PDE4D: variants seen among roughly 807,000 people sequenced by gnomAD.
PDE4D encodes 3',5'-cyclic-AMP phosphodiesterase 4D.
Under a neutral mutation model 87.4 loss-of-function variants are expected in PDE4D, and 24 were observed. The ratio of observed to expected loss-of-function variants is 0.27; its 90% confidence interval spans 0.20 to 0.39. The LOEUF is 0.39. PDE4D is among the 10% of genes least tolerant of loss of function. PDE4D has a pLI of 1.00. For missense variants in PDE4D, 714 were observed against 1,041.0 expected, an observed-to-expected ratio of 0.69 and a Z score of 4.32; for synonymous variants, 384 against 383.2, an observed-to-expected ratio of 1.00 and a Z score of -0.02.
chr5:59,070,577 G>A (rs1037098222), intron 5 of PDE4D, among the ~76,000 whole-genome samples: 1 of 152,110 alleles, frequency 6.6e-6, no homozygotes, highest in African/African-American at 2.4e-5. Flanking sequence ...ATATATTATA[G>A]TCTTACTTAG....
At chr5:59,095,910 C>T (rs1470599112) in intron 5 of PDE4D, among the ~76,000 whole-genome samples, 3 of 152,190 alleles carry the variant, frequency 2.0e-5, no homozygotes, top group Non-Finnish European at 4.4e-5. Context: ...TCAGCTCATT[C>T]TTGATGAGGA....
chr5:59,760,358 TTTG>T (rs1193985484), intron 1 of PDE4D, among the ~76,000 whole-genome samples: 2 of 152,316 alleles, frequency 1.3e-5, no homozygotes, highest in South Asian at 2.1e-4. Context: ...AAGAAATTAT[TTTG>T]TTGTTAAGAT....
chr5:59,541,755 C>T (rs549417565), intron 1 of PDE4D, among the ~76,000 whole-genome samples: 2 of 152,344 alleles, frequency 1.3e-5, no homozygotes, highest in Admixed American at 6.5e-5. Flanking sequence ...ACTTATAGTT[C>T]TTTACCTTCC....
At chr5:60,046,661 G>C (rs921642275) in intron 2 of PDE4D, among the ~76,000 whole-genome samples, 15 of 152,084 alleles carry the variant, frequency 9.9e-5, no homozygotes, top group Non-Finnish European at 2.2e-4. Flanking sequence ...TTATATGCTG[G>C]ATTACATTTA....
chr5:60,075,835 GTACTGTGTT>G (rs1240227948), intron 2 of PDE4D, among the ~76,000 whole-genome samples: 1 of 151,908 alleles, frequency 6.6e-6, no homozygotes, highest in Non-Finnish European at 1.5e-5. Flanking sequence ...TGAAATTTTT[GTACTGTGTT>G]TTTTCAGCTC....
At chr5:60,521,443 A>G (rs1403363030) in intron 1 of PDE4D, 1 of 152,044 alleles carries the variant, frequency 6.6e-6, no homozygotes, top group Non-Finnish European at 1.5e-5. Flanking sequence ...ATATACTACA[A>G]CCTCCACCAG....
intron 2 of PDE4D, among the ~76,000 whole-genome samples, chr5:60,050,451 G>A (rs1021101716): frequency 6.6e-6 from 1 of 152,174 alleles, no homozygotes; most frequent in African/African-American, 2.4e-5. Flanking sequence ...CAAACGTGAA[G>A]GAGAAATAAA....
intron 1 of PDE4D, among the ~76,000 whole-genome samples, chr5:59,604,609 G>A (rs897118327): frequency 2.0e-5 from 3 of 151,928 alleles, no homozygotes; most frequent in South Asian, 4.1e-4. Context: ...AATGGGACAT[G>A]GATGCAAATA....
At chr5:59,523,692 T>C (rs987985851) in intron 1 of PDE4D, among the ~76,000 whole-genome samples, 6 of 152,246 alleles carry the variant, frequency 3.9e-5, no homozygotes, top group African/African-American at 1.4e-4. Context: ...AACTCTTTGA[T>C]ATGGTCTGGT....
At chr5:59,679,745 T>A (rs1053511054) in intron 1 of PDE4D, among the ~76,000 whole-genome samples, 3 of 152,142 alleles carry the variant, frequency 2.0e-5, no homozygotes, top group African/African-American at 7.2e-5. Context: ...GAATAATGAT[T>A]TAATATTTTG....
intron 1 of PDE4D, among the ~76,000 whole-genome samples, chr5:60,411,554 A>G (rs934249250): frequency 2.2e-4 from 34 of 152,350 alleles, no homozygotes; most frequent in Admixed American, 2.0e-3. Context: ...ATCACCATGT[A>G]AAAAGAATTT....
chr5:59,869,059 T>G (rs543415356), intron 1 of PDE4D, among the ~76,000 whole-genome samples: 1 of 152,326 alleles, frequency 6.6e-6, no homozygotes, highest in East Asian at 1.9e-4. Context: ...GTTCATTTAT[T>G]GTGCTCTGGG....
chr5:59,888,623 T>A (rs1336049630), intron 1 of PDE4D, among the ~76,000 whole-genome samples: 1 of 152,184 alleles, frequency 6.6e-6, no homozygotes, highest in Admixed American at 6.5e-5. Flanking sequence ...CAACCTTATG[T>A]CAGTTTTCCA....
In PDE4D at chr5:59,625,637, T is replaced by C. The variant is rs190136793; in HGVS notation, c.455+267531A>G. Among the ~76,000 whole-genome samples, 408 of 152,348 alleles carry C rather than the reference T, an allele frequency of 2.7e-3. 2 individuals carry two copies. The highest frequency in any genetic ancestry group is 4.6e-3 in the Admixed American group (70 of 15,298). Reference sequence around the variant, plus strand: ...CTTCATATCTTAGATAAGAAGACGGTGTCTCATAACTCTGAAACATAAATT... The same window carrying C: ...CTTCATATCTTAGATAAGAAGACGGCGTCTCATAACTCTGAAACATAAATT... On this transcript the variant is annotated intron_variant, in intron 1 of 14. Coordinates refer to ENST00000340635, the MANE Select transcript of PDE4D (RefSeq NM_001104631.2).
intron 1 of PDE4D, among the ~76,000 whole-genome samples, chr5:59,700,926 C>A (rs2150450159): frequency 6.6e-6 from 1 of 152,272 alleles, no homozygotes; most frequent in Admixed American, 6.5e-5. Flanking sequence ...TCAATCTTGC[C>A]ACTTACATAT....
intron 2 of PDE4D, among the ~76,000 whole-genome samples, chr5:60,051,276 A>C (rs930549929): frequency 1.3e-5 from 2 of 152,140 alleles, no homozygotes; most frequent in Admixed American, 6.6e-5. Context: ...TCTAAAATTG[A>C]CCACATAATT....
At chr5:58,977,754 G>A (rs1449838885) in intron 11 of PDE4D, among the ~76,000 whole-genome samples, 1 of 152,168 alleles carries the variant, frequency 6.6e-6, no homozygotes, top group Non-Finnish European at 1.5e-5. Flanking sequence ...ATAAAGTGAG[G>A]ATCCTGTGTT....
At chr5:59,962,911 G>A (rs764742288) in intron 3 of PDE4D, among the ~76,000 whole-genome samples, 8 of 152,090 alleles carry the variant, frequency 5.3e-5, no homozygotes, top group Non-Finnish European at 8.8e-5. Flanking sequence ...GCTCTTAAAG[G>A]GAATTCCATA....
chr5:59,895,838 C>T (rs889930978), upstream of PDE4D, among the ~76,000 whole-genome samples: 1 of 152,158 alleles, frequency 6.6e-6, no homozygotes, highest in African/African-American at 2.4e-5. Flanking sequence ...TGGAATAATT[C>T]AAATCCAACC....
Sources: gnomAD v4.1 joint callset for allele counts (sites outside exome capture counted in the v4.1 genomes callset) on GRCh38, gnomAD v4.1.1 for gene constraint, MANE v1.5 for transcripts, NCBI Gene and HGNC (gene_info 2026-07-23, HGNC 2026-07-21) for gene names.